ANKRD17: variants seen among roughly 807,000 people sequenced by gnomAD.
The protein encoded by ANKRD17 is ankyrin repeat domain-containing protein 17.
ANKRD17 carries 19 observed loss-of-function variants against 229.7 expected under a neutral mutation model. The observed-to-expected ratio is 0.08, with a 90% CI of 0.06 to 0.12. The LOEUF is 0.12. ANKRD17 is among the 10% of genes least tolerant of loss of function. The pLI, the probability that ANKRD17 is intolerant of heterozygous loss-of-function variation, is 1.00. For synonymous variants in ANKRD17, 1,112 were observed against 1,146.1 expected (o/e 0.97, Z 0.60); for missense variants, 2,176 against 3,176.8 (o/e 0.68, Z 7.57).
rs117238954 is a variant in ANKRD17, at chr4:73,137,610, G to A, written c.3085+1921C>T. Among the ~76,000 whole-genome samples, 267 of 152,302 alleles carry A rather than the reference G, an allele frequency of 1.8e-3. 3 individuals are homozygous for A. In the East Asian group the frequency reaches 0.038, roughly 22 times the overall value. ...AGTGCATGAGTATATGTGCATGTGT[G>A]TGAATGTGCACATGCCTGTTGTCAG... On this transcript the variant is annotated intron_variant, in intron 15 of 33. Transcript: ENST00000358602.
At chr4:73,082,514 G>A (rs1243501254) in intron 30 of ANKRD17, among the ~76,000 whole-genome samples, 1 of 151,804 alleles carries the variant, frequency 6.6e-6, no homozygotes, top group Non-Finnish European at 1.5e-5. Flanking sequence ...GAGGAGAGAG[G>A]AGAGAACAAA....
chr4:73,098,482 T>C lies in ANKRD17; in HGVS notation c.4612A>G (p.Thr1538Ala), dbSNP rs1219284642. ...EVLTEPPSAT[T>A]TTTIGISATW... The stretch of plus-strand genomic sequence containing the variant: ...GCAGATATACCTATGGTAGTAGTGG[T>C]TGTGGCACTTGGAGGTTCTGTCAAG... The change falls in exon 26 of 34, where the codon ACC (threonine) becomes GCC (alanine). Residue 1538 changes from threonine (T) to alanine (A), a missense_variant. Thr to Ala is a moderately conservative substitution (Grantham distance 58). Transcript: ENST00000358602. 1 of 1,613,728 alleles carries C rather than the reference T, an allele frequency of 6.2e-7. No homozygotes were observed. Among genetic ancestry groups the C allele is most frequent in the African/African-American group, 1.3e-5 (1 of 74,942 alleles).
intron 29 of ANKRD17, among the ~76,000 whole-genome samples, chr4:73,086,919 AATATATATATATATAT>A (rs61024099): frequency 4.8e-4 from 6 of 12,462 alleles, no homozygotes; most frequent in Non-Finnish European, 8.8e-4. Flanking sequence ...AAAAAAAAAA[AATATATATATATATAT>A]ATATATATAT....
At chr4:73,093,894 C>A (rs1306227157) in intron 28 of ANKRD17, among the ~76,000 whole-genome samples, 185 bp downstream of exon 28, 3 of 152,172 alleles carry the variant, frequency 2.0e-5, no homozygotes, top group Non-Finnish European at 2.9e-5. Flanking sequence ...TGAAACACTT[C>A]ACAAAAGTGT....
chr4:73,131,536 C>A (rs1044318250), intron 16 of ANKRD17, among the ~76,000 whole-genome samples: 1 of 152,138 alleles, frequency 6.6e-6, no homozygotes, highest in African/African-American at 2.4e-5. Context: ...GCAGTGGACA[C>A]GTTTCTGTGA....
rs1726738728 is a variant in ANKRD17 at position 73,121,681 on chromosome 4, C to CA, written c.3570dup (p.Ala1191CysfsTer18). The CA allele has an allele frequency of 6.2e-7, 1 of 1,613,648 alleles. No individual in the cohort carries two copies. The highest frequency in any genetic ancestry group is 1.7e-5 in the Admixed American group (1 of 59,984). On this transcript the variant is annotated frameshift_variant, in exon 19 of 34. Coordinates refer to ENST00000358602, the MANE Select transcript of ANKRD17 (RefSeq NM_032217.5). LOFTEE classifies it high-confidence loss of function. ...ATGATGTTCACATAGCCACCAGAAG[C>CA]AGCCAGACTTAGAGGTGTGTAATCA... is the stretch of plus-strand genomic sequence containing the variant.
In ANKRD17 at chr4:73,139,741, G is replaced by C; in HGVS notation, c.2875C>G (p.Pro959Ala). The C allele has an allele frequency of 6.2e-7, 1 of 1,614,190 alleles. No individual in the cohort carries two copies. The highest frequency in any genetic ancestry group is 8.5e-7 in the Non-Finnish European group (1 of 1,180,030). Reference protein sequence around the residue: ...GFAPIQPLAMPQALPLAAGPL... With the variant: ...GFAPIQPLAMAQALPLAAGPL... ...CCTGCCGCCAGAGGCAAAGCTTGAG[G>C]CATCGCCAGAGGCTGGATTGGCGCA... Residue 959 changes from proline (P) to alanine (A), a missense_variant, in exon 15 of 34, where the codon CCT becomes GCT. By Grantham distance (27) the Pro-to-Ala change is conservative (BLOSUM62 -1). Coordinates refer to ENST00000358602, the MANE Select transcript of ANKRD17 (RefSeq NM_032217.5).
Position 73,133,384 on chromosome 4 carries a change from C to T in ANKRD17, c.3234+1733G>A, listed in dbSNP as rs1192317581. Among the ~76,000 whole-genome samples the T allele has an allele frequency of 2.8e-5, 4 of 145,214 alleles. No homozygotes were observed. The East Asian group carries it at 8.2e-4, about 30-fold the overall frequency. On this transcript the variant is annotated intron_variant, in intron 16 of 33. Transcript: ENST00000358602. ...CAACTATGGCTCATCAAATGAATGT[C>T]TCGTGTTTTTTTTTTTTTTTTTTGA...
chr4:73,238,270 A>T (rs1267877236), intron 1 of ANKRD17, among the ~76,000 whole-genome samples: 1 of 152,124 alleles, frequency 6.6e-6, no homozygotes, highest in Non-Finnish European at 1.5e-5. Flanking sequence ...CTTTTATGAG[A>T]GACTGAGATA....
chr4:73,138,812 T>C (rs1305404609), intron 15 of ANKRD17, among the ~76,000 whole-genome samples: 2 of 152,094 alleles, frequency 1.3e-5, no homozygotes, highest in African/African-American at 4.8e-5. Context: ...ACTAGAAGCA[T>C]AAAAACAGTC....
intron 1 of ANKRD17, among the ~76,000 whole-genome samples, chr4:73,221,196 A>G (rs972761216): frequency 3.9e-5 from 6 of 152,174 alleles, no homozygotes; most frequent in Admixed American, 1.3e-4. Context: ...AGGATGCAAC[A>G]GGTACATAGA....
Position 73,135,285 on chromosome 4 carries a change from C to T in ANKRD17, c.3086-20G>A, listed in dbSNP as rs774965134. 6.3e-7 allele frequency: 1 copy of T among 1,599,382 alleles called. No individual in the cohort carries two copies. On this transcript the variant is annotated intron_variant, in intron 15 of 33. Transcript: ENST00000358602. ...TGACTGCTGTTGAACAAAATAACTG[C>T]ACTTAATAAGGATGAAACATTGTTA... is the stretch of plus-strand genomic sequence containing the variant.
intron 2 of ANKRD17, among the ~76,000 whole-genome samples, chr4:73,164,037 G>A (rs1732898031): frequency 1.3e-5 from 2 of 152,104 alleles, no homozygotes; most frequent in Admixed American, 6.5e-5. Flanking sequence ...GATACCTACT[G>A]TATAATTTAT....
chr4:73,126,834 C>A (rs952013934), intron 16 of ANKRD17, among the ~76,000 whole-genome samples: 2 of 152,154 alleles, frequency 1.3e-5, no homozygotes, highest in African/African-American at 4.8e-5. Context: ...TGGGTTCACG[C>A]AACGCTCCCT....
intron 24 of ANKRD17, among the ~76,000 whole-genome samples, chr4:73,111,176 C>A (rs960112102): frequency 6.6e-6 from 1 of 151,880 alleles, no homozygotes; most frequent in African/African-American, 2.4e-5. Context: ...TCAAAGAAAC[C>A]CATGATAAAA....
chr4:73,232,924 T>C (rs1199860735), intron 1 of ANKRD17, among the ~76,000 whole-genome samples: 1 of 152,140 alleles, frequency 6.6e-6, no homozygotes, highest in Non-Finnish European at 1.5e-5. Context: ...GATTTCACCA[T>C]GTTGGCCAGG....
At chr4:73,250,908 G>A (rs940710979) in intron 1 of ANKRD17, among the ~76,000 whole-genome samples, 1 of 152,026 alleles carries the variant, frequency 6.6e-6, no homozygotes, top group Non-Finnish European at 1.5e-5. Flanking sequence ...TGTTTCAAAT[G>A]TAAAATCTTT....
chr4:73,109,803 G>A (rs1240237729), intron 24 of ANKRD17, among the ~76,000 whole-genome samples: 1 of 151,948 alleles, frequency 6.6e-6, no homozygotes, highest in Non-Finnish European at 1.5e-5. Flanking sequence ...GAAGAAAGGA[G>A]TAAGAAACAA....
At position 73,142,127 on chromosome 4, in the gene ANKRD17, C is replaced by T. The variant is rs1011338418; in HGVS notation, c.2229+115G>A. The T allele has an allele frequency of 6.4e-6, 7 of 1,086,590 alleles. No individual in the cohort carries two copies. The South Asian group carries it at 1.2e-4, about 18-fold the overall frequency. The allele number at this position is 1,086,590 out of a possible 1,614,324, so 67.3% of individuals were successfully genotyped here. On this transcript the variant is annotated intron_variant, in intron 13 of 33. Coordinates refer to ENST00000358602, the MANE Select transcript of ANKRD17 (RefSeq NM_032217.5). ...ATTAACTGTATCAAGTACATATTTA[C>T]AAACAGAACTACATATTAGAACAAA... is the stretch of plus-strand genomic sequence containing the variant.
Sources: gnomAD v4.1 joint callset for allele counts (sites outside exome capture counted in the v4.1 genomes callset) on GRCh38, gnomAD v4.1.1 for gene constraint, MANE v1.5 for transcripts, NCBI Gene and HGNC (gene_info 2026-07-23, HGNC 2026-07-21) for gene names.